WBP11: variants seen among roughly 807,000 people sequenced by gnomAD.
WBP11 encodes the protein WW domain binding protein 11, also known as WW domain-binding protein 11.
WBP11 carries 12 observed loss-of-function variants against 66.7 expected under a neutral mutation model. The observed-to-expected ratio is 0.18, with a 90% CI of 0.12 to 0.29. WBP11 has a LOEUF of 0.29. Ranked by LOEUF, WBP11 falls within the 10% of genes least tolerant of loss-of-function variation. The pLI is 1.00. For synonymous variants in WBP11, 255 were observed against 273.8 expected (o/e 0.93, Z 0.68); for missense variants, 555 against 818.3 (o/e 0.68, Z 3.93).
Position 14,796,048 on chromosome 12 carries a change from C to CA in WBP11, c.387+758dup, listed in dbSNP as rs1949890998. On this transcript the variant is annotated intron_variant, in intron 5 of 11. Coordinates refer to ENST00000261167, the MANE Select transcript of WBP11 (RefSeq NM_016312.3). This position sits in a 1 kb window ranked among gnomAD's most constrained non-coding sequence, Gnocchi z 4.5. ...CCAATCCATCTCTAATATCATCCCC[C>CA]AAGGCAACCACGGCTACATTTTTTT... Among the ~76,000 whole-genome samples the CA allele has an allele frequency of 6.6e-6, 1 of 152,136 alleles. No homozygotes were observed. The highest frequency in any genetic ancestry group is 2.4e-5 in the African/African-American group (1 of 41,410).
In WBP11 at chr12:14,796,397, G is replaced by A. The variant is rs1949894763; in HGVS notation, c.387+410C>T. Among the ~76,000 whole-genome samples the A allele has an allele frequency of 6.6e-6, 1 of 152,136 alleles. No individual in the cohort carries two copies. Among genetic ancestry groups the A allele is most frequent in the African/African-American group, 2.4e-5 (1 of 41,442 alleles). On this transcript the variant is annotated intron_variant, in intron 5 of 11. Transcript: ENST00000261167. This position sits in a 1 kb window ranked among gnomAD's most constrained non-coding sequence, Gnocchi z 4.5. ...TTAGTTTTAGAAGAAACTGCTATAA[G>A]GAAGAGGTTCAACATGACATTCTCC... is the stretch of plus-strand genomic sequence containing the variant.
chr12:14,794,998 G>C lies in WBP11; in HGVS notation c.494C>G (p.Ser165Cys). The change falls in exon 6 of 12, where the codon TCT becomes TGT. Residue 165 changes from serine to cysteine, a missense_variant. Ser to Cys is a moderately radical substitution (Grantham distance 112). This residue lies in a region of WBP11 where 220 missense variants were observed against 268.2 expected (regional missense o/e 0.82). Coordinates refer to ENST00000261167, the MANE Select transcript of WBP11 (RefSeq NM_016312.3). ...DIPLPGAQPP[S>C]ILKKTSAYGP... ...ATAGGCTGAGGTTTTCTTTAGGATAGAGGGTGGCTGGGCACCAGGAAGTGG... is the reference window on the plus strand; with the variant it reads ...ATAGGCTGAGGTTTTCTTTAGGATACAGGGTGGCTGGGCACCAGGAAGTGG... 2 of 1,612,334 alleles carry C rather than the reference G, an allele frequency of 1.2e-6. No individual in the cohort carries two copies. Among genetic ancestry groups the C allele is most frequent in the South Asian group, 1.1e-5 (1 of 90,992 alleles).
chr12:14,793,602 A>T, intron 8 of WBP11, 129 bp downstream of exon 8: 1 of 1,117,232 alleles, frequency 9.0e-7, no homozygotes, highest in Non-Finnish European at 1.3e-6. Context: ...TTAATATATA[A>T]GATGAACACA....
rs117477095 is a variant in WBP11, at chr12:14,788,758, A to C, written c.1492+193T>G. Among the ~76,000 whole-genome samples, 728 of 152,356 alleles carry C rather than the reference A, an allele frequency of 4.8e-3. 11 individuals are homozygous for C. The highest frequency in any genetic ancestry group is 0.017 in the African/African-American group (700 of 41,578). Reference sequence around the variant, plus strand: ...TTTAATCCCATGTTCTCTGGCTACAAGTTCCTCAAGTGAACCAAGTGCAAA... The same window carrying C: ...TTTAATCCCATGTTCTCTGGCTACACGTTCCTCAAGTGAACCAAGTGCAAA... On this transcript the variant is annotated intron_variant, in intron 11 of 11. Transcript: ENST00000261167.
At chr12:14,793,045 G>A (rs532399189) in intron 8 of WBP11, among the ~76,000 whole-genome samples, 1 of 152,048 alleles carries the variant, frequency 6.6e-6, no homozygotes, top group South Asian at 2.1e-4. Context: ...TTGCAACCAT[G>A]ATTCTTAAGA....
intron 2 of WBP11, 139 bp from the exon 3 acceptor site, chr12:14,800,922 C>T: frequency 1.6e-6 from 1 of 636,000 alleles, no homozygotes; most frequent in Non-Finnish European, 2.6e-6. Context: ...GGATTCTCTC[C>T]ACTACATGCC....
chr12:14,794,033 TCTTA>T, intron 7 of WBP11, 111 bp from the exon 8 acceptor site: 1 of 537,696 alleles, frequency 1.9e-6, no homozygotes, highest in Non-Finnish European at 2.5e-6. Context: ...ACAACTTAAT[TCTTA>T]CCAAAAAAAA....
chr12:14,794,797 A>G, intron 6 of WBP11, 61 bp from the exon 7 acceptor site: 6 of 1,532,220 alleles, frequency 3.9e-6, no homozygotes, highest in Non-Finnish European at 5.2e-6. Context: ...CAGTAATGAG[A>G]TATTTATTTT....
At chr12:14,800,023 T>C (rs1239068890) in intron 3 of WBP11, among the ~76,000 whole-genome samples, 1 of 152,194 alleles carries the variant, frequency 6.6e-6, no homozygotes, top group Non-Finnish European at 1.5e-5. Flanking sequence ...CTTATGTTCT[T>C]GAAGACCTTG....
intron 5 of WBP11, among the ~76,000 whole-genome samples, chr12:14,795,369 GT>G (rs1262449664): frequency 6.6e-6 from 1 of 152,112 alleles, no homozygotes; most frequent in Non-Finnish European, 1.5e-5. Flanking sequence ...CGAAACAGCT[GT>G]TGTCTAGAGA....
At chr12:14,801,284 C>T in intron 2 of WBP11, 36 bp downstream of exon 2, 7 of 1,606,616 alleles carry the variant, frequency 4.4e-6, no homozygotes, top group Non-Finnish European at 6.0e-6. Context: ...TTTTAACACT[C>T]TCCTACTTCA....
intron 5 of WBP11, among the ~76,000 whole-genome samples, chr12:14,795,986 G>GT (rs1949890399): frequency 1.3e-5 from 2 of 152,128 alleles, no homozygotes; most frequent in Admixed American, 6.5e-5. Context: ...TACAAATTCA[G>GT]TAAGTTTTGA....
intron 11 of WBP11, among the ~76,000 whole-genome samples, 191 bp downstream of exon 11, chr12:14,788,759 GT>G (rs1451919477): frequency 2.0e-5 from 3 of 152,184 alleles, no homozygotes; most frequent in African/African-American, 7.2e-5. Context: ...CTGGCTACAA[GT>G]TCCTCAAGTG....
chr12:14,785,522 A>G lies in WBP11; in HGVS notation c.*1543T>C, dbSNP rs1949743882. 1 of 152,190 alleles carries G rather than the reference A, an allele frequency of 6.6e-6. No homozygotes were observed. Among genetic ancestry groups the G allele is most frequent in the South Asian group, 2.1e-4 (1 of 4,832 alleles). The allele number at this position is 152,190 out of a possible 1,614,324, so 9.4% of individuals were successfully genotyped here. A position where few individuals can be genotyped will look rare whatever the true frequency, so the allele number is the denominator to read the frequency against. On this transcript the variant is annotated 3_prime_UTR_variant, in exon 12 of 12. Coordinates refer to ENST00000261167, the MANE Select transcript of WBP11 (RefSeq NM_016312.3). ...GTGGACCCGTATTAATATTACACTA[A>G]AAAACCAACCCAAAACGGTCTATTT... is the stretch of plus-strand genomic sequence containing the variant.
chr12:14,793,254 A>C (rs1949843088), intron 8 of WBP11, among the ~76,000 whole-genome samples: 1 of 152,210 alleles, frequency 6.6e-6, no homozygotes, highest in African/African-American at 2.4e-5. Flanking sequence ...ATTTTTTAAT[A>C]ATCAAACACA....
In WBP11 at chr12:14,785,010, C is replaced by T. The variant is rs534243742; in HGVS notation, c.*2055G>A. The T allele has an allele frequency of 1.4e-4, 22 of 152,268 alleles. No homozygotes were observed. The highest frequency in any genetic ancestry group is 5.3e-4 in the African/African-American group (22 of 41,566). The allele number at this position is 152,268 out of a possible 1,614,324, so 9.4% of individuals were successfully genotyped here. A position where few individuals can be genotyped will look rare whatever the true frequency, so the allele number is the denominator to read the frequency against. ...TTTATGATAAACTATCAACAGCTTT[C>T]TTATATTAACATAAATCAGAAATCT... On this transcript the variant is annotated 3_prime_UTR_variant, in exon 12 of 12. Transcript: ENST00000261167.
chr12:14,795,595 T>G (rs926173333), intron 5 of WBP11, among the ~76,000 whole-genome samples: 30 of 152,096 alleles, frequency 2.0e-4, no homozygotes, highest in Admixed American at 1.5e-3. Flanking sequence ...CCAGTTGTGG[T>G]GGCGTGTGCC....
chr12:14,794,012 C>A, intron 7 of WBP11, 90 bp from the exon 8 acceptor site: 6 of 784,836 alleles, frequency 7.6e-6, no homozygotes, highest in Non-Finnish European at 1.1e-5. Flanking sequence ...TGCTATTCAA[C>A]TCAGACTGTA....
In WBP11 at chr12:14,796,840, C is replaced by T. The variant is rs749327252; in HGVS notation, c.354G>A (p.Arg118=). 6.2e-7 allele frequency: 1 copy of T among 1,604,636 alleles called. No individual in the cohort carries two copies. The highest frequency in any genetic ancestry group is 1.1e-5 in the South Asian group (1 of 88,896). The change falls in exon 5 of 12, where the codon AGG becomes AGA. Residue 118 remains arginine, a synonymous_variant. Transcript: ENST00000261167. The surrounding 1 kb of genome is among the most constrained non-coding windows in gnomAD (Gnocchi z 4.5). ...CATCAAAATATTGGCTAAGTTGAGC[C>T]CTCTTCTGTTCATATTCTACTTCTA... ...RKLEVEYEQK[R]AQLSQYFDAV... is the part of the protein sequence containing the mutation.
Sources: allele counts gnomAD v4.1 joint callset (sites outside exome capture counted in the v4.1 genomes callset), GRCh38; gene constraint gnomAD v4.1.1; regional missense constraint gnomAD v4.1.1; non-coding constraint Gnocchi (gnomAD v3.1); transcripts MANE v1.5; gene names NCBI Gene and HGNC (gene_info 2026-07-23, HGNC 2026-07-21).